Variants in FER observed in about 807,000 individuals in gnomAD.
The protein encoded by FER is FER tyrosine kinase, also known as tyrosine-protein kinase Fer.
Under a neutral mutation model 111.0 loss-of-function variants are expected in FER, and 63 were observed. That is an observed-to-expected ratio of 0.57 (90% CI 0.46 to 0.70). FER has a LOEUF of 0.70. Ranked by LOEUF, FER falls within the 30% of genes least tolerant of loss-of-function variation. The pLI is 0.00. For synonymous variants in FER, 327 were observed against 313.9 expected, an observed-to-expected ratio of 1.04 and a Z score of -0.44; for missense variants, 914 against 954.0, an observed-to-expected ratio of 0.96 and a Z score of 0.55.
intron 14 of FER, among the ~76,000 whole-genome samples, chr5:109,038,847 T>C (rs1353348865): frequency 6.6e-6 from 1 of 152,006 alleles, no homozygotes; most frequent in Non-Finnish European, 1.5e-5. Flanking sequence ...GAAAAAAATA[T>C]TTTTAGTTAA....
At chr5:108,925,009 G>T (rs1581223798) in intron 10 of FER, among the ~76,000 whole-genome samples, 1 of 151,990 alleles carries the variant, frequency 6.6e-6, no homozygotes, top group Admixed American at 6.5e-5. Context: ...TTTCACATTT[G>T]TATTTTATTT....
intron 1 of FER, chr5:108,749,098 C>A (rs1209853846): frequency 6.6e-6 from 1 of 152,296 alleles, no homozygotes; most frequent in African/African-American, 2.4e-5. Context: ...GCAACAATGC[C>A]TGCCCGCAGA....
At chr5:108,863,557 C>T (rs1248909270) in intron 5 of FER, among the ~76,000 whole-genome samples, 1 of 151,914 alleles carries the variant, frequency 6.6e-6, no homozygotes, top group East Asian at 1.9e-4. Context: ...AGGATATGTT[C>T]CTTAGAACAT....
chr5:108,878,955 C>T (rs886572479), intron 8 of FER, among the ~76,000 whole-genome samples: 2 of 152,060 alleles, frequency 1.3e-5, no homozygotes, highest in African/African-American at 4.8e-5. Flanking sequence ...CAGCTTTTCC[C>T]ACTTACCGGC....
intron 16 of FER, among the ~76,000 whole-genome samples, chr5:109,058,356 G>A (rs1320122245): frequency 6.6e-6 from 1 of 151,878 alleles, no homozygotes; most frequent in Non-Finnish European, 1.5e-5. Context: ...TGTTCTAGTT[G>A]GTGCAATAAA....
At chr5:109,177,579 A>C (rs1757844070) in intron 17 of FER, 2 of 152,188 alleles carry the variant, frequency 1.3e-5, no homozygotes, top group African/African-American at 4.8e-5. Context: ...TGCTTTCTAG[A>C]CAGTGAAGAA....
intron 11 of FER, among the ~76,000 whole-genome samples, chr5:108,949,812 CA>C (rs1757478529): frequency 6.6e-6 from 1 of 151,918 alleles, no homozygotes. Context: ...TATTGTGGCA[CA>C]TTTTATATGT....
At chr5:109,102,951 T>A (rs1748435687) in intron 17 of FER, among the ~76,000 whole-genome samples, 1 of 152,122 alleles carries the variant, frequency 6.6e-6, no homozygotes, top group African/African-American at 2.4e-5. Context: ...TGCAATAGAA[T>A]TTTACTTGAT....
Position 109,029,036 on chromosome 5 carries a change from T to G in FER, c.1657-8386T>G, listed in dbSNP as rs1769189424. Among the ~76,000 whole-genome samples, 7 of 152,190 alleles carry G rather than the reference T, an allele frequency of 4.6e-5. No homozygotes were observed. In the South Asian group the frequency reaches 1.4e-3, roughly 31 times the overall value. On this transcript the variant is annotated intron_variant, in intron 13 of 19. Coordinates refer to ENST00000281092, the MANE Select transcript of FER (RefSeq NM_005246.4). ...TTCAGTCATTATGGACTAATATTACTCAGTAACTTTTGAACATTCTGGTAG... is the reference window on the plus strand; with the variant it reads ...TTCAGTCATTATGGACTAATATTACGCAGTAACTTTTGAACATTCTGGTAG...
intron 10 of FER, among the ~76,000 whole-genome samples, chr5:108,936,730 C>G (rs796846045): frequency 1.2e-4 from 18 of 152,038 alleles, no homozygotes; most frequent in African/African-American, 4.1e-4. Context: ...TAGGTATGTA[C>G]TAGGCCTTTC....
At chr5:109,084,510 A>G (rs1159458906) in intron 16 of FER, among the ~76,000 whole-genome samples, 1 of 151,982 alleles carries the variant, frequency 6.6e-6, no homozygotes, top group Non-Finnish European at 1.5e-5. Flanking sequence ...TTAAAAATAA[A>G]AAAAAATTTA....
At chr5:108,893,348 T>C (rs535367468) in intron 9 of FER, among the ~76,000 whole-genome samples, 8 of 152,198 alleles carry the variant, frequency 5.3e-5, no homozygotes, top group Admixed American at 3.9e-4. Context: ...TTTACATCTA[T>C]GTTAACTCTT....
chr5:108,898,667 T>TTTTC (rs1446922041), intron 10 of FER, among the ~76,000 whole-genome samples: 2 of 149,244 alleles, frequency 1.3e-5, no homozygotes, highest in Non-Finnish European at 3.0e-5. Flanking sequence ...TTCCTCTTTC[T>TTTTC]TTTCTCTCTC....
chr5:108,898,737 A>G (rs935772035), intron 10 of FER, among the ~76,000 whole-genome samples: 1 of 148,908 alleles, frequency 6.7e-6, no homozygotes, highest in African/African-American at 2.5e-5. Flanking sequence ...CTATCTATCT[A>G]TGTATGTTGG....
At chr5:108,775,984 C>T (rs1393533346) in intron 2 of FER, among the ~76,000 whole-genome samples, 1 of 152,148 alleles carries the variant, frequency 6.6e-6, no homozygotes, top group Non-Finnish European at 1.5e-5. Flanking sequence ...CAAACACAGT[C>T]ACTCTATTTG....
At chr5:108,774,346 T>C (rs963942479) in intron 2 of FER, among the ~76,000 whole-genome samples, 15 of 152,212 alleles carry the variant, frequency 9.9e-5, no homozygotes, top group African/African-American at 3.6e-4. Context: ...TTTTAAATAG[T>C]GCTGCTGCAA....
At chr5:108,994,248 G>A (rs1255561607) in intron 13 of FER, among the ~76,000 whole-genome samples, 1 of 152,018 alleles carries the variant, frequency 6.6e-6, no homozygotes, top group Non-Finnish European at 1.5e-5. Context: ...TTTGGGTTTT[G>A]TATTTCAGTC....
At chr5:108,985,062 G>T (rs973447841) in intron 13 of FER, among the ~76,000 whole-genome samples, 2 of 151,838 alleles carry the variant, frequency 1.3e-5, no homozygotes, top group Non-Finnish European at 2.9e-5. Flanking sequence ...GACAAATTAC[G>T]AATTAAAACT....
chr5:109,115,974 AAAG>A (rs1750180596), intron 17 of FER, among the ~76,000 whole-genome samples: 1 of 152,108 alleles, frequency 6.6e-6, no homozygotes, highest in South Asian at 2.1e-4. Context: ...TTTTCATATA[AAAG>A]AAGATGTGAG....
Sources: allele counts gnomAD v4.1 joint callset (sites outside exome capture counted in the v4.1 genomes callset), GRCh38; gene constraint gnomAD v4.1.1; transcripts MANE v1.5; gene names NCBI Gene and HGNC (gene_info 2026-07-23, HGNC 2026-07-21).